The following THNSL1 variants were observed in gnomAD, a reference collection of about 807,000 sequenced individuals.
THNSL1 encodes threonine synthase-like 1.
THNSL1 carries 48 observed loss-of-function variants against 50.4 expected under a neutral mutation model. The ratio of observed to expected loss-of-function variants is 0.95; its 90% confidence interval spans 0.76 to 1.21. THNSL1 has a LOEUF of 1.21. Ranked by LOEUF, THNSL1 falls within the 50% of genes most tolerant of loss-of-function variation. The pLI is 0.00. For missense variants in THNSL1, 896 were observed against 871.7 expected, an observed-to-expected ratio of 1.03 and a Z score of -0.35; for synonymous variants, 309 against 306.1, an observed-to-expected ratio of 1.01 and a Z score of -0.10.
At chr10:24,978,419 T>G in the THNSL1 span, among the ~76,000 whole-genome samples, 5 of 151,462 alleles carry the variant, frequency 3.3e-5, no homozygotes, top group African/African-American at 9.7e-5. Flanking sequence ...TCTCCCTCTC[T>G]CCTCTCTCTC....
the THNSL1 span, among the ~76,000 whole-genome samples, chr10:24,963,922 G>T: frequency 3.3e-5 from 5 of 152,160 alleles, no homozygotes; most frequent in Non-Finnish European, 7.4e-5. Flanking sequence ...CTCTAGGTTT[G>T]GGAGCTTAGA....
At chr10:24,968,651 G>A in the THNSL1 span, among the ~76,000 whole-genome samples, 1 of 152,214 alleles carries the variant, frequency 6.6e-6, no homozygotes, top group African/African-American at 2.4e-5. Flanking sequence ...TATCCTTAGC[G>A]TATTTGGATA....
At chr10:24,961,340 C>A in the THNSL1 span, among the ~76,000 whole-genome samples, 29 of 152,128 alleles carry the variant, frequency 1.9e-4, no homozygotes, top group Non-Finnish European at 3.5e-4. Flanking sequence ...AACCATTCCC[C>A]AGTATAAGTA....
the THNSL1 span, among the ~76,000 whole-genome samples, chr10:25,000,764 A>G: frequency 9.2e-5 from 14 of 152,134 alleles, no homozygotes; most frequent in South Asian, 2.9e-3. Context: ...TATACCTTTC[A>G]CTTTTAATGT....
At chr10:25,015,893 G>A (rs112816834), upstream of THNSL1, 82 of 1,607,050 alleles carry the variant, frequency 5.1e-5, no homozygotes, top group African/African-American at 8.3e-4. Flanking sequence ...CAAGTCACTG[G>A]GTATGAGGTT....
At chr10:24,970,228 G>A in the THNSL1 span, among the ~76,000 whole-genome samples, 1 of 152,148 alleles carries the variant, frequency 6.6e-6, no homozygotes, top group Admixed American at 6.5e-5. Flanking sequence ...AGTTACCATA[G>A]GAACAATTTT....
At chr10:25,003,920 A>G in the THNSL1 span, among the ~76,000 whole-genome samples, 12 of 152,112 alleles carry the variant, frequency 7.9e-5, no homozygotes, top group Non-Finnish European at 1.5e-4. Flanking sequence ...GTGAGAATTT[A>G]GCAGTATTTT....
At position 25,024,078 on chromosome 10, in the gene THNSL1, A is replaced by C; in HGVS notation, c.855A>C (p.Gly285=). ...LSCGEWKSLV[G]ATYVERAQIL... ...GCGGGGAGTGGAAAAGCCTAGTAGG[A>C]GCAACCTACGTAGAAAGAGCACAGA... Residue 285 remains glycine, a synonymous_variant, in exon 3 of 3, where the codon GGA becomes GGC. Transcript: ENST00000376356. 2 of 1,614,194 alleles carry C rather than the reference A, an allele frequency of 1.2e-6. No homozygotes were observed. The highest frequency in any genetic ancestry group is 1.7e-6 in the Non-Finnish European group (2 of 1,180,022).
chr10:25,015,723 A>G (rs1016224119), upstream of THNSL1: 3 of 760,628 alleles, frequency 3.9e-6, no homozygotes, highest in Non-Finnish European at 5.6e-6. Flanking sequence ...TTCTCTAACA[A>G]GTTATCCTCC....
At chr10:24,992,036 A>G in the THNSL1 span, among the ~76,000 whole-genome samples, 88 of 152,352 alleles carry the variant, frequency 5.8e-4, 3 homozygotes, top group East Asian at 0.017. Context: ...GAATTTTCCC[A>G]TGTCACAACG....
the THNSL1 span, among the ~76,000 whole-genome samples, chr10:24,988,085 G>C: frequency 2.0e-5 from 3 of 151,642 alleles, no homozygotes; most frequent in South Asian, 4.2e-4. Context: ...TTAGGTGGGC[G>C]TGGTGGTGCA....
the THNSL1 span, among the ~76,000 whole-genome samples, chr10:24,991,593 G>C: frequency 6.6e-6 from 1 of 152,162 alleles, no homozygotes; most frequent in Non-Finnish European, 1.5e-5. Flanking sequence ...GGTGGGAGGA[G>C]AGCCCGGGCC....
In THNSL1 at chr10:25,025,423, G is replaced by A; in HGVS notation, c.2200G>A (p.Val734Met). The change falls in exon 3 of 3, where the codon GTG becomes ATG. Residue 734 changes from valine to methionine, a missense_variant. Coordinates refer to ENST00000376356, the MANE Select transcript of THNSL1 (RefSeq NM_024838.5). ...AADMNVLKSH[V>M]EQLVQNQFI ...TGATATGAATGTCTTGAAGAGTCATGTGGAACAACTTGTCCAAAATCAATT... is the reference window on the plus strand; with the variant it reads ...TGATATGAATGTCTTGAAGAGTCATATGGAACAACTTGTCCAAAATCAATT... The A allele has an allele frequency of 1.9e-6, 3 of 1,610,496 alleles. No individual in the cohort carries two copies. Among genetic ancestry groups the A allele is most frequent in the Non-Finnish European group, 2.5e-6 (3 of 1,178,696 alleles).
chr10:24,988,412 A>G, the THNSL1 span, among the ~76,000 whole-genome samples: 1 of 145,818 alleles, frequency 6.9e-6, no homozygotes, highest in Non-Finnish European at 1.5e-5. Flanking sequence ...GTGTATATAT[A>G]TTTATATATA....
the THNSL1 span, among the ~76,000 whole-genome samples, chr10:25,003,017 CATCT>C: frequency 9.7e-4 from 147 of 151,882 alleles, no homozygotes; most frequent in African/African-American, 3.4e-3. Context: ...AAAGCCTGTC[CATCT>C]ATTATAGAAA....
the THNSL1 span, chr10:24,990,581 C>G: frequency 6.2e-7 from 1 of 1,611,966 alleles, no homozygotes; most frequent in Non-Finnish European, 8.5e-7. Context: ...GTTTCGCTTA[C>G]ATATGTATTC....
At chr10:25,006,485 C>A in the THNSL1 span, among the ~76,000 whole-genome samples, 27 of 152,002 alleles carry the variant, frequency 1.8e-4, 1 homozygote, top group Non-Finnish European at 2.6e-4. Flanking sequence ...ATCTTTCTTC[C>A]TTGATGGGCT....
At chr10:24,995,758 T>A in the THNSL1 span, 2 of 1,614,058 alleles carry the variant, frequency 1.2e-6, no homozygotes, top group South Asian at 2.2e-5. Flanking sequence ...CATGATGATA[T>A]CAGCTGCATT....
At chr10:25,002,873 G>A in the THNSL1 span, among the ~76,000 whole-genome samples, 1 of 151,924 alleles carries the variant, frequency 6.6e-6, no homozygotes, top group Non-Finnish European at 1.5e-5. Context: ...CACAGAAGTT[G>A]GGGCTGGCAG....
Sources: gnomAD v4.1 joint callset for allele counts (sites outside exome capture counted in the v4.1 genomes callset) on GRCh38, gnomAD v4.1.1 for gene constraint, MANE v1.5 for transcripts, NCBI Gene and HGNC (gene_info 2026-07-23, HGNC 2026-07-21) for gene names.